The following PLEKHA5 variants were observed in gnomAD, a reference collection of about 807,000 sequenced individuals.
PLEKHA5 encodes pleckstrin homology domain-containing family A member 5.
Under a neutral mutation model 181.9 loss-of-function variants are expected in PLEKHA5, and 55 were observed. The ratio of observed to expected loss-of-function variants is 0.30; its 90% CI spans 0.24 to 0.38. The LOEUF is 0.38. Among genes scored for constraint, PLEKHA5 ranks in the 10% least tolerant of loss-of-function variants. The probability of loss-of-function intolerance (pLI) is 1.00; values close to 1 mark genes in which losing one functional copy is unlikely to be tolerated. For missense variants in PLEKHA5, 1,432 were observed against 1,549.5 expected (o/e 0.92, Z 1.27); for synonymous variants, 535 against 529.4 (o/e 1.01, Z -0.15).
At chr12:19,264,305 A>G (rs149249801) in intron 7 of PLEKHA5, among the ~76,000 whole-genome samples, 1 of 152,246 alleles carries the variant, frequency 6.6e-6, no homozygotes, top group African/African-American at 2.4e-5. Context: ...TAATCTAGGG[A>G]AATCACCCTG....
intron 3 of PLEKHA5, among the ~76,000 whole-genome samples, chr12:19,194,818 C>A (rs1459795151): frequency 6.6e-6 from 1 of 152,128 alleles, no homozygotes; most frequent in Non-Finnish European, 1.5e-5. Context: ...TCTAGTAGTA[C>A]CACCAGCATA....
intron 8 of PLEKHA5, among the ~76,000 whole-genome samples, chr12:19,267,502 A>G (rs1410980026): frequency 1.3e-5 from 2 of 151,972 alleles, no homozygotes; most frequent in Non-Finnish European, 2.9e-5. Flanking sequence ...TGTACTAAAA[A>G]TACAAAAATT....
In PLEKHA5 at chr12:19,138,762, G is replaced by A. The variant is rs187801528; in HGVS notation, c.227+6312G>A. 2.8e-3 allele frequency among the ~76,000 whole-genome samples: 422 copies of A among 152,072 alleles called. 6 individuals are homozygous for A. Among genetic ancestry groups the A allele is most frequent in the African/African-American group, 9.8e-3 (405 of 41,474 alleles). ...GATACATTCATGGGGCTGGGAACACGTATAATATGTGAATATGTGTGATGA... is the reference window on the plus strand; with the variant it reads ...GATACATTCATGGGGCTGGGAACACATATAATATGTGAATATGTGTGATGA... On this transcript the variant is annotated intron_variant, in intron 3 of 31. Coordinates refer to ENST00000429027, the MANE Select transcript of PLEKHA5 (RefSeq NM_001256470.2).
At chr12:19,367,430 A>G (rs1313525037) in intron 30 of PLEKHA5, among the ~76,000 whole-genome samples, 3 of 145,768 alleles carry the variant, frequency 2.1e-5, no homozygotes, top group Admixed American at 6.9e-5. Flanking sequence ...TAATTTTTGT[A>G]TTTTTGTAGA....
chr12:19,294,728 A>G (rs1039158591), intron 15 of PLEKHA5, among the ~76,000 whole-genome samples: 3 of 152,176 alleles, frequency 2.0e-5, no homozygotes, highest in African/African-American at 4.8e-5. Context: ...TCAGAGGTCA[A>G]CTCATTTCTG....
At chr12:19,206,103 A>T (rs924884383) in intron 3 of PLEKHA5, among the ~76,000 whole-genome samples, 2 of 152,102 alleles carry the variant, frequency 1.3e-5, no homozygotes, top group African/African-American at 4.8e-5. Context: ...GAAGAGTTGC[A>T]TGATAATAGT....
At chr12:19,309,639 G>A (rs761275111) in intron 15 of PLEKHA5, among the ~76,000 whole-genome samples, 10 of 151,914 alleles carry the variant, frequency 6.6e-5, no homozygotes, top group East Asian at 1.9e-4. Flanking sequence ...CCAGCTACTC[G>A]GGAGTCTGAG....
At chr12:19,284,927 T>G (rs537948367) in intron 12 of PLEKHA5, among the ~76,000 whole-genome samples, 1 of 152,306 alleles carries the variant, frequency 6.6e-6, no homozygotes, top group African/African-American at 2.4e-5. Flanking sequence ...AGCAGGACTC[T>G]GACTCAAAAA....
intron 3 of PLEKHA5, among the ~76,000 whole-genome samples, chr12:19,227,070 G>T (rs1243784535): frequency 2.0e-5 from 3 of 151,870 alleles, no homozygotes; most frequent in African/African-American, 7.3e-5. Context: ...TAAAGTTTTG[G>T]CAGCTTAATC....
chr12:19,329,304 C>T (rs146639029), intron 20 of PLEKHA5, among the ~76,000 whole-genome samples: 592 of 152,074 alleles, frequency 3.9e-3, no homozygotes, highest in African/African-American at 0.014. Flanking sequence ...TTTCTTTCTT[C>T]TTTGTGTCTT....
In PLEKHA5 at chr12:19,322,538, G is replaced by A; in HGVS notation, c.2319G>A (p.Leu773=). 1 of 1,614,006 alleles carries A rather than the reference G, an allele frequency of 6.2e-7. No homozygotes were observed. The highest frequency in any genetic ancestry group is 8.5e-7 in the Non-Finnish European group (1 of 1,179,912). ...AATAGTACACGCTTGAGCAAGCTTT[G>A]CTATCAGCCAGCCAAGAGATAGAAA... The part of the protein sequence containing the change: ...HKEKYTLEQA[L]LSASQEIEMH... The change falls in exon 20 of 32, where the codon TTG becomes TTA. Residue 773 remains leucine (L), a synonymous_variant. Transcript: ENST00000429027.
At chr12:19,166,801 C>G (rs1433747744) in intron 3 of PLEKHA5, among the ~76,000 whole-genome samples, 1 of 152,124 alleles carries the variant, frequency 6.6e-6, no homozygotes, top group Non-Finnish European at 1.5e-5. Context: ...TTATTTTTCC[C>G]TAACTACGTG....
At chr12:19,273,455 C>G (rs554194982) in intron 10 of PLEKHA5, among the ~76,000 whole-genome samples, 1 of 151,974 alleles carries the variant, frequency 6.6e-6, no homozygotes, top group Admixed American at 6.6e-5. Flanking sequence ...AGATCTACAT[C>G]CTTTCCACAC....
intron 19 of PLEKHA5, 45 bp from the exon 20 acceptor site, chr12:19,322,473 T>C: frequency 4.4e-6 from 7 of 1,599,014 alleles, no homozygotes; most frequent in Non-Finnish European, 6.0e-6. Flanking sequence ...AAAGAATTAA[T>C]ACAATGATGC....
At chr12:19,258,561 C>CT (rs71440398) in intron 6 of PLEKHA5, among the ~76,000 whole-genome samples, 12,016 of 123,552 alleles carry the variant, frequency 0.097, 1,175 homozygotes, top group African/African-American at 0.21. Flanking sequence ...TTTTCTTTTT[C>CT]TTTTTTTTTT....
chr12:19,254,710 C>T (rs1005367480), intron 4 of PLEKHA5, among the ~76,000 whole-genome samples: 3 of 152,164 alleles, frequency 2.0e-5, no homozygotes, highest in Admixed American at 1.3e-4. Flanking sequence ...GTAGTCCCAG[C>T]TACTGAGGAG....
intron 15 of PLEKHA5, among the ~76,000 whole-genome samples, chr12:19,312,713 C>T (rs1055660356): frequency 6.6e-6 from 1 of 152,190 alleles, no homozygotes; most frequent in Non-Finnish European, 1.5e-5. Flanking sequence ...AAAACTTTCT[C>T]CCTATTAGCA....
At chr12:19,367,194 C>CT (rs1565672761) in intron 30 of PLEKHA5, among the ~76,000 whole-genome samples, 1 of 143,804 alleles carries the variant, frequency 7.0e-6, no homozygotes, top group African/African-American at 2.6e-5. Flanking sequence ...CCCTTTTACT[C>CT]TTTTTCTTTA....
chr12:19,256,921 A>G (rs2067031686), intron 5 of PLEKHA5, among the ~76,000 whole-genome samples: 1 of 152,180 alleles, frequency 6.6e-6, no homozygotes, highest in Admixed American at 6.5e-5. Context: ...ACACTACATC[A>G]CATTAAGCAG....
Sources: gnomAD v4.1 joint callset for allele counts (sites outside exome capture counted in the v4.1 genomes callset) on GRCh38, gnomAD v4.1.1 for gene constraint, MANE v1.5 for transcripts, NCBI Gene and HGNC (gene_info 2026-07-23, HGNC 2026-07-21) for gene names.